PIEZO2: variants seen among roughly 807,000 people sequenced by gnomAD.
PIEZO2 encodes piezo-type mechanosensitive ion channel component 2.
PIEZO2 carries 172 observed loss-of-function variants against 337.3 expected under a neutral mutation model. That is an observed-to-expected ratio of 0.51 (90% CI 0.45 to 0.58). The LOEUF (loss-of-function observed/expected upper bound fraction) is 0.58, where lower values mean the gene tolerates loss of function less well. Ranked by LOEUF, PIEZO2 falls within the 20% of genes least tolerant of loss-of-function variation. The pLI, the probability that PIEZO2 is intolerant of heterozygous loss-of-function variation, is 0.00. For missense variants in PIEZO2, 3,028 were observed against 3,391.3 expected, an observed-to-expected ratio of 0.89 and a Z score of 2.66; for synonymous variants, 1,251 against 1,228.5, an observed-to-expected ratio of 1.02 and a Z score of -0.38.
At chr18:10,976,208 A>C (rs1283354977) in intron 3 of PIEZO2, among the ~76,000 whole-genome samples, 1 of 152,200 alleles carries the variant, frequency 6.6e-6, no homozygotes, top group East Asian at 1.9e-4. Flanking sequence ...ATCTTGGACT[A>C]AATTAGTTTG....
At chr18:10,860,773 G>T (rs2041851106) in intron 5 of PIEZO2, among the ~76,000 whole-genome samples, 1 of 152,226 alleles carries the variant, frequency 6.6e-6, no homozygotes, top group Admixed American at 6.5e-5. Flanking sequence ...TACGGATGTA[G>T]ATTAAATCAA....
chr18:10,842,574 G>C (rs934742432), intron 7 of PIEZO2, among the ~76,000 whole-genome samples: 18 of 152,188 alleles, frequency 1.2e-4, no homozygotes, highest in African/African-American at 4.3e-4. Context: ...ATGAGTGGAA[G>C]CAGCCTGAGG....
Position 11,105,310 on chromosome 18 carries a change from A to G in PIEZO2, c.65-39088T>C, listed in dbSNP as rs1206057355. 6.6e-6 allele frequency among the ~76,000 whole-genome samples: 1 copy of G among 152,248 alleles called. No homozygotes were observed. Among genetic ancestry groups the G allele is most frequent in the Non-Finnish European group, 1.5e-5 (1 of 68,038 alleles). On this transcript the variant is annotated intron_variant, in intron 1 of 55. Coordinates refer to ENST00000674853, the MANE Select transcript of PIEZO2 (RefSeq NM_001378183.1). The surrounding 1 kb of genome is among the most constrained non-coding windows in gnomAD (Gnocchi z 4.3). ...TGACACACTCAGTGCCTTGGCTGAA[A>G]GGGAACTTAAAATTCAGACTTACTC... is the stretch of plus-strand genomic sequence containing the variant.
At chr18:10,690,244 C>T (rs1371451973) in intron 48 of PIEZO2, among the ~76,000 whole-genome samples, 1 of 152,110 alleles carries the variant, frequency 6.6e-6, no homozygotes, top group African/African-American at 2.4e-5. Flanking sequence ...TTGTAGGGAG[C>T]CAGGGTGTGA....
intron 2 of PIEZO2, among the ~76,000 whole-genome samples, chr18:11,030,634 G>C (rs551400176): frequency 6.6e-6 from 1 of 152,256 alleles, no homozygotes; most frequent in Non-Finnish European, 1.5e-5. Flanking sequence ...CTCCAGCGAA[G>C]AGTTAGAAAC....
intron 3 of PIEZO2, among the ~76,000 whole-genome samples, chr18:10,918,256 G>T (rs1399748371): frequency 6.6e-6 from 1 of 152,042 alleles, no homozygotes; most frequent in Non-Finnish European, 1.5e-5. Context: ...TTGTAAAAGA[G>T]ATAAGACAAA....
rs979946759 is a variant in PIEZO2 at position 10,859,455 on chromosome 18, C to T, written c.493-2244G>A. Reference sequence around the variant, plus strand: ...TGCCCTCCTCCTGTAACAAGACAAGCTGCATATGCTCCAGCCATGATGACT... The same window carrying T: ...TGCCCTCCTCCTGTAACAAGACAAGTTGCATATGCTCCAGCCATGATGACT... On this transcript the variant is annotated intron_variant, in intron 5 of 55. Coordinates refer to ENST00000674853, the MANE Select transcript of PIEZO2 (RefSeq NM_001378183.1). This position sits in a 1 kb window ranked among gnomAD's most constrained non-coding sequence, Gnocchi z 4.9. Among the ~76,000 whole-genome samples the T allele has an allele frequency of 3.3e-5, 5 of 152,216 alleles. No individual in the cohort carries two copies. The highest frequency in any genetic ancestry group is 9.7e-5 in the African/African-American group (4 of 41,450).
intron 24 of PIEZO2, among the ~76,000 whole-genome samples, chr18:10,760,166 G>C (rs948597052): frequency 1.3e-5 from 2 of 152,208 alleles, no homozygotes; most frequent in African/African-American, 4.8e-5. Flanking sequence ...CAGCCATTTT[G>C]ATCTCCTCAT....
chr18:10,936,416 T>A (rs1331269485), intron 3 of PIEZO2, among the ~76,000 whole-genome samples: 1 of 151,996 alleles, frequency 6.6e-6, no homozygotes, highest in East Asian at 1.9e-4. Flanking sequence ...CCTCCGAAAA[T>A]TTTTTTTAAA....
At chr18:10,965,704 A>G (rs2033968147) in intron 3 of PIEZO2, among the ~76,000 whole-genome samples, 4 of 152,254 alleles carry the variant, frequency 2.6e-5, no homozygotes, top group Admixed American at 2.0e-4. Flanking sequence ...TGCTCATAAT[A>G]TTGAATGACA....
At chr18:10,805,085 A>T (rs1568079003) in intron 8 of PIEZO2, among the ~76,000 whole-genome samples, 1 of 152,212 alleles carries the variant, frequency 6.6e-6, no homozygotes, top group African/African-American at 2.4e-5. Context: ...CATGGACCCA[A>T]AGTTATAACG....
At chr18:10,974,016 TGGGGTGA>T (rs2034343017) in intron 3 of PIEZO2, among the ~76,000 whole-genome samples, 2 of 152,080 alleles carry the variant, frequency 1.3e-5, no homozygotes, top group African/African-American at 4.8e-5. Flanking sequence ...TAACGAAGCA[TGGGGTGA>T]AGTTTACAGC....
chr18:10,785,874 C>T (rs2039204415), intron 16 of PIEZO2, among the ~76,000 whole-genome samples: 1 of 152,126 alleles, frequency 6.6e-6, no homozygotes, highest in African/African-American at 2.4e-5. Flanking sequence ...AAAATTCCAC[C>T]AAGAATAAAA....
At position 11,104,597 on chromosome 18, in the gene PIEZO2, C is replaced by T. The variant is rs926083442; in HGVS notation, c.65-38375G>A. Among the ~76,000 whole-genome samples, 1 of 152,230 alleles carries T rather than the reference C, an allele frequency of 6.6e-6. No homozygotes were observed. Among genetic ancestry groups the T allele is most frequent in the Non-Finnish European group, 1.5e-5 (1 of 68,048 alleles). On this transcript the variant is annotated intron_variant, in intron 1 of 55. Transcript: ENST00000674853. The surrounding 1 kb of genome is among the most constrained non-coding windows in gnomAD (Gnocchi z 4.6). The stretch of plus-strand genomic sequence containing the variant: ...CTAGAAGGGCTGCCACATGGTCAGC[C>T]ACATTCTCTTCTCCCCGTGTCACAA...
At chr18:10,873,797 C>T (rs115937793) in intron 4 of PIEZO2, among the ~76,000 whole-genome samples, 2,100 of 152,098 alleles carry the variant, frequency 0.014, 53 homozygotes, top group African/African-American at 0.048. Context: ...AACTATGACA[C>T]TACTAGAAGA....
Position 10,718,229 on chromosome 18 carries a change from T to A in PIEZO2, c.5060A>T (p.Glu1687Val). ...GPVEWEDREDEPIKKKSDGPD... is the reference protein window; with the variant it reads ...GPVEWEDREDVPIKKKSDGPD... ...TCCATCGGATTTCTTTTTGATTGGT[T>A]CATCCTCCCGGTCTTCCCATTCCAC... The change falls in exon 37 of 56, where the codon GAA (glutamate) becomes GTA (valine). Residue 1687 changes from glutamate (E) to valine (V), a missense_variant. Physicochemically the swap from Glu to Val is moderately radical, Grantham distance 121 (BLOSUM62 -2). This residue lies in a region of PIEZO2 where 1,925 missense variants were observed against 2,051.9 expected (regional missense o/e 0.94). Transcript: ENST00000674853. 1 of 1,537,126 alleles carries A rather than the reference T, an allele frequency of 6.5e-7. No individual in the cohort carries two copies. Among genetic ancestry groups the A allele is most frequent in the Non-Finnish European group, 8.7e-7 (1 of 1,146,774 alleles).
At chr18:10,934,905 C>T (rs1419716502) in intron 3 of PIEZO2, among the ~76,000 whole-genome samples, 1 of 152,142 alleles carries the variant, frequency 6.6e-6, no homozygotes, top group African/African-American at 2.4e-5. Flanking sequence ...AAGACAAGGA[C>T]TATTACTATA....
chr18:10,992,081 G>GT (rs955750789), intron 2 of PIEZO2, among the ~76,000 whole-genome samples: 31 of 152,002 alleles, frequency 2.0e-4, no homozygotes, highest in African/African-American at 6.8e-4. Context: ...GGTGTTGTTT[G>GT]TTTTTTTCTT....
At position 11,096,979 on chromosome 18, in the gene PIEZO2, T is replaced by G. The variant is rs1305198181; in HGVS notation, c.65-30757A>C. The stretch of plus-strand genomic sequence containing the variant: ...TCACTTGCTTTGTCTAGGAAAGATT[T>G]AAATGCCTAACGCCAGCAAGGCTTT... On this transcript the variant is annotated intron_variant, in intron 1 of 55. Transcript: ENST00000674853. This position sits in a 1 kb window ranked among gnomAD's most constrained non-coding sequence, Gnocchi z 4.6. Among the ~76,000 whole-genome samples, 1 of 152,214 alleles carries G rather than the reference T, an allele frequency of 6.6e-6. No homozygotes were observed. Among genetic ancestry groups the G allele is most frequent in the Non-Finnish European group, 1.5e-5 (1 of 68,032 alleles).
Sources: allele counts gnomAD v4.1 joint callset (sites outside exome capture counted in the v4.1 genomes callset), GRCh38; gene constraint gnomAD v4.1.1; regional missense constraint gnomAD v4.1.1; non-coding constraint Gnocchi (gnomAD v3.1); transcripts MANE v1.5; gene names NCBI Gene and HGNC (gene_info 2026-07-23, HGNC 2026-07-21).